Variants in PRRG1 observed in about 807,000 individuals in gnomAD.
The protein encoded by PRRG1 is proline rich and Gla domain 1, also known as transmembrane gamma-carboxyglutamic acid protein 1.
A neutral mutation model predicts 11.8 loss-of-function variants in PRRG1; 5 were observed. The observed-to-expected ratio is 0.42, with a 90% CI of 0.22 to 0.89. PRRG1 has a LOEUF of 0.89. Among genes scored for constraint, PRRG1 ranks in the 40% least tolerant of loss-of-function variants. PRRG1 has a pLI of 0.28. For synonymous variants in PRRG1, 66 were observed against 60.4 expected (o/e 1.09, Z -0.43); for missense variants, 155 against 166.1 (o/e 0.93, Z 0.37).
At chrX:37,450,733 G>A (rs190810072) in intron 3 of PRRG1, among the ~76,000 whole-genome samples, 113 of 111,952 alleles carry the variant, frequency 1.0e-3, no homozygotes, top group African/African-American at 3.6e-3. Context: ...AGACTGGGAA[G>A]AGAGAGATTA....
At chrX:37,406,184 T>C in intron 1 of PRRG1, 25 bp from the exon 2 acceptor site, 8 of 1,201,305 alleles carry the variant, frequency 6.7e-6, no homozygotes, top group Non-Finnish European at 9.0e-6. Flanking sequence ...AATCTGACTG[T>C]GTGTATGTGC....
chrX:37,358,791 C>T (rs891721145), intron 1 of PRRG1, among the ~76,000 whole-genome samples: 7 of 111,280 alleles, frequency 6.3e-5, no homozygotes, highest in East Asian at 2.8e-4. Context: ...GCACTGAATT[C>T]GTAGATCAAG....
chrX:37,373,218 A>G (rs1046592216), intron 1 of PRRG1, among the ~76,000 whole-genome samples: 2 of 112,097 alleles, frequency 1.8e-5, no homozygotes, highest in Middle Eastern at 9.3e-3. Flanking sequence ...GATATTTTGA[A>G]GTCAAGTACT....
chrX:37,393,822 G>T (rs1931625142), intron 1 of PRRG1, among the ~76,000 whole-genome samples: 1 of 111,998 alleles, frequency 8.9e-6, no homozygotes, highest in Non-Finnish European at 1.9e-5. Flanking sequence ...TAAGCAGTAA[G>T]TAAATATTTT....
intron 1 of PRRG1, among the ~76,000 whole-genome samples, chrX:37,399,720 C>T (rs782279671): frequency 0.047 from 4,614 of 97,551 alleles, 285 homozygotes; most frequent in African/African-American, 0.16. Flanking sequence ...CATCAGTGTG[C>T]TGTATTCAGG....
intron 1 of PRRG1, among the ~76,000 whole-genome samples, chrX:37,402,182 A>G (rs1409844382): frequency 9.0e-6 from 1 of 111,538 alleles, no homozygotes; most frequent in Non-Finnish European, 1.9e-5. Context: ...CACCAAGTCA[A>G]TCCTAAGCCA....
chrX:37,402,246 C>G (rs1556380563), intron 1 of PRRG1, among the ~76,000 whole-genome samples: 2 of 111,520 alleles, frequency 1.8e-5, no homozygotes, highest in Non-Finnish European at 3.8e-5. Flanking sequence ...TACTACAAGG[C>G]TACAGTACTC....
At chrX:37,370,582 C>T (rs904241752) in intron 1 of PRRG1, among the ~76,000 whole-genome samples, 1 of 111,734 alleles carries the variant, frequency 8.9e-6, no homozygotes, top group Non-Finnish European at 1.9e-5. Context: ...GCCCTACCCT[C>T]CTGGGTGCAG....
rs189613534 is a variant in PRRG1 at position 37,416,946 on chromosome X, C to T, written c.11-8894C>T. ...CATAAAATCATTAGATGAGAGACAT[C>T]TGAATGTATTCTCTGAAATTTGGCT... On this transcript the variant is annotated intron_variant, in intron 2 of 3. Transcript: ENST00000378628. 7.2e-5 allele frequency among the ~76,000 whole-genome samples: 8 copies of T among 111,742 alleles called. No homozygotes were observed. The East Asian group carries it at 2.2e-3, about 31-fold the overall frequency.
At chrX:37,411,931 G>A (rs1274129856) in intron 2 of PRRG1, among the ~76,000 whole-genome samples, 1 of 111,516 alleles carries the variant, frequency 9.0e-6, no homozygotes, top group Non-Finnish European at 1.9e-5. Flanking sequence ...AAAATATGAA[G>A]ATAACTTAGG....
At chrX:37,350,028 G>C (rs1407262256) in intron 1 of PRRG1, among the ~76,000 whole-genome samples, 1 of 100,914 alleles carries the variant, frequency 9.9e-6, no homozygotes, top group Admixed American at 1.1e-4. Flanking sequence ...GTCGGTCGCG[G>C]TGCGGCCCTG....
At position 37,391,108 on chromosome X, in the gene PRRG1, C is replaced by T. The variant is rs781954546; in HGVS notation, c.-41-15101C>T. 1.6e-3 allele frequency among the ~76,000 whole-genome samples: 177 copies of T among 111,804 alleles called. 1 individual carries two copies. The highest frequency in any genetic ancestry group is 4.6e-3 in the Middle Eastern group (1 of 216). On this transcript the variant is annotated intron_variant, in intron 1 of 3. Transcript: ENST00000378628. The stretch of plus-strand genomic sequence containing the variant: ...CAGATCTGACTCTTCCAACCTAGGC[C>T]TCACTGATTTCTCTCTTTCCTTCAA...
At chrX:37,351,659 A>G (rs1930071743) in intron 1 of PRRG1, among the ~76,000 whole-genome samples, 1 of 112,343 alleles carries the variant, frequency 8.9e-6, no homozygotes, top group African/African-American at 3.2e-5. Context: ...GTTCTCATGT[A>G]TTAGTCATAG....
intron 2 of PRRG1, among the ~76,000 whole-genome samples, chrX:37,425,490 GCTGT>G (rs1362545546): frequency 8.9e-6 from 1 of 112,250 alleles, no homozygotes; most frequent in African/African-American, 3.2e-5. Context: ...TTTGGCTGCT[GCTGT>G]CTGTCAGCAG....
chrX:37,446,744 T>A (rs1933084185), intron 3 of PRRG1, among the ~76,000 whole-genome samples: 1 of 111,735 alleles, frequency 8.9e-6, no homozygotes, highest in Non-Finnish European at 1.9e-5. Flanking sequence ...TCTGCTCAGA[T>A]TCTGGTGGGG....
chrX:37,391,250 C>T (rs1410679460), intron 1 of PRRG1, among the ~76,000 whole-genome samples: 1 of 111,205 alleles, frequency 9.0e-6, no homozygotes, highest in Non-Finnish European at 1.9e-5. Flanking sequence ...CTTGCTTTTC[C>T]CGAGTACCTT....
At chrX:37,360,383 C>G (rs1445706980) in intron 1 of PRRG1, among the ~76,000 whole-genome samples, 1 of 111,949 alleles carries the variant, frequency 8.9e-6, no homozygotes, top group Admixed American at 9.4e-5. Context: ...TTTTTAATTT[C>G]TCTTGGGATT....
intron 1 of PRRG1, among the ~76,000 whole-genome samples, chrX:37,403,226 A>T (rs1277061088): frequency 2.7e-5 from 3 of 110,286 alleles, no homozygotes; most frequent in Admixed American, 9.7e-5. Context: ...ACTTGGAACC[A>T]AGCCAAATAT....
At chrX:37,388,349 T>G (rs1282825595) in intron 1 of PRRG1, among the ~76,000 whole-genome samples, 4 of 112,739 alleles carry the variant, frequency 3.5e-5, no homozygotes, top group African/African-American at 1.3e-4. Context: ...AAATTTCTCC[T>G]CCTTACTGCC....
Sources: allele counts gnomAD v4.1 joint callset (sites outside exome capture counted in the v4.1 genomes callset), GRCh38; gene constraint gnomAD v4.1.1; transcripts MANE v1.5; gene names NCBI Gene and HGNC (gene_info 2026-07-23, HGNC 2026-07-21).